Variants in IL27 observed in about 807,000 individuals in gnomAD.
IL27 encodes interleukin-27 subunit alpha.
A neutral mutation model predicts 27.0 loss-of-function variants in IL27; 11 were observed. The observed-to-expected ratio is 0.41, with a 90% CI of 0.26 to 0.67. The LOEUF (loss-of-function observed/expected upper bound fraction) is 0.67, where lower values mean the gene tolerates loss of function less well. Among genes scored for constraint, IL27 ranks in the 30% least tolerant of loss-of-function variants. The pLI, the probability that IL27 is intolerant of heterozygous loss-of-function variation, is 0.34. For missense variants in IL27, 299 were observed against 310.4 expected (o/e 0.96, Z 0.28); for synonymous variants, 134 against 140.6 (o/e 0.95, Z 0.33).
rs1245755964 is a variant in IL27, at chr16:28,504,069, G to T, written c.32-19C>A. On this transcript the variant is annotated intron_variant, in intron 1 of 4. Coordinates refer to ENST00000356897, the MANE Select transcript of IL27 (RefSeq NM_145659.3). The stretch of plus-strand genomic sequence containing the variant: ...CTGAGCCCTGGAGAGATGGGAAGAG[G>T]GTGGCAAGACAGGGAGAGAGCTTGA... The T allele has an allele frequency of 2.0e-5, 31 of 1,573,338 alleles. No individual in the cohort carries two copies. Among genetic ancestry groups the T allele is most frequent in the Non-Finnish European group, 2.7e-5 (31 of 1,158,788 alleles).
intron 1 of IL27, among the ~76,000 whole-genome samples, chr16:28,505,607 T>G (rs973378962): frequency 6.6e-6 from 1 of 152,244 alleles, no homozygotes; most frequent in South Asian, 2.1e-4. Context: ...CATCAGCCAC[T>G]GCGCCCAGCC....
intron 4 of IL27, among the ~76,000 whole-genome samples, chr16:28,501,172 G>A (rs1184173794): frequency 1.3e-5 from 2 of 151,518 alleles, no homozygotes; most frequent in African/African-American, 2.4e-5. Flanking sequence ...CTGGGCGACA[G>A]AGTGAGACTT....
intron 4 of IL27, among the ~76,000 whole-genome samples, chr16:28,500,206 A>C (rs1340439199): frequency 6.6e-6 from 1 of 152,218 alleles, no homozygotes; most frequent in Non-Finnish European, 1.5e-5. Context: ...CTCTGCTGTG[A>C]AAGTTGCTTT....
chr16:28,501,664 C>T (rs1273740574), intron 4 of IL27, among the ~76,000 whole-genome samples: 1 of 151,762 alleles, frequency 6.6e-6, no homozygotes, highest in Non-Finnish European at 1.5e-5. Flanking sequence ...CCCTCACACA[C>T]AGTCATGCTC....
At chr16:28,501,792 C>G (rs2046432921) in intron 4 of IL27, among the ~76,000 whole-genome samples, 184 bp downstream of exon 4, 1 of 151,230 alleles carries the variant, frequency 6.6e-6, no homozygotes, top group African/African-American at 2.4e-5. Context: ...CACAGTCACA[C>G]TCACTCTCCC....
intron 3 of IL27, among the ~76,000 whole-genome samples, chr16:28,503,137 T>C (rs1368506650): frequency 6.6e-6 from 1 of 152,122 alleles, no homozygotes; most frequent in Non-Finnish European, 1.5e-5. Flanking sequence ...TTGTATTTTT[T>C]AGTAGAGATG....
Position 28,503,914 on chromosome 16 carries a change from C to T in IL27, c.168G>A (p.Lys56=). The T allele has an allele frequency of 1.2e-6, 2 of 1,614,228 alleles. No homozygotes were observed. Among genetic ancestry groups the T allele is most frequent in the South Asian group, 2.2e-5 (2 of 91,090 alleles). The change falls in exon 2 of 5, where the codon AAG becomes AAA. Residue 56 remains lysine, a synonymous_variant. Coordinates refer to ENST00000356897, the MANE Select transcript of IL27 (RefSeq NM_145659.3). ...EFTVSLHLAR[K]LLSEVRGQAH... Reference sequence around the variant, plus strand: ...CCTGGCCCCGAACCTCGGAGAGCAGCTTCCTGGCGAGATGCAGGCTGACTG... The same window carrying T: ...CCTGGCCCCGAACCTCGGAGAGCAGTTTCCTGGCGAGATGCAGGCTGACTG...
At chr16:28,503,562 A>G (rs756742302) in intron 3 of IL27, 133 bp downstream of exon 3, 3 of 665,134 alleles carry the variant, frequency 4.5e-6, no homozygotes, top group Non-Finnish European at 7.7e-6. Context: ...TTTCATCTCT[A>G]TGTCCAATGA....
At chr16:28,506,256 T>C (rs1055539164) in intron 1 of IL27, among the ~76,000 whole-genome samples, 8 of 152,148 alleles carry the variant, frequency 5.3e-5, no homozygotes, top group Non-Finnish European at 1.2e-4. Context: ...ACGTGGCATG[T>C]TACCTTCTCC....
At chr16:28,502,190 C>A in intron 3 of IL27, 56 bp from the exon 4 acceptor site, 1 of 1,482,078 alleles carries the variant, frequency 6.7e-7, no homozygotes. Flanking sequence ...GGCCATATCA[C>A]ACCCACCCCC....
intron 4 of IL27, 120 bp downstream of exon 4, chr16:28,501,856 G>A: frequency 8.3e-7 from 1 of 1,206,990 alleles, no homozygotes; most frequent in Non-Finnish European, 1.2e-6. Flanking sequence ...CACACTCATG[G>A]ACACTCAGTC....
intron 4 of IL27, among the ~76,000 whole-genome samples, chr16:28,501,189 A>AG (rs2046426773): frequency 6.6e-6 from 1 of 151,484 alleles, no homozygotes; most frequent in South Asian, 2.1e-4. Context: ...ACTTAGTCTC[A>AG]GAAAAAAAAA....
chr16:28,500,394 C>T (rs1385254603), intron 4 of IL27, among the ~76,000 whole-genome samples: 1 of 152,100 alleles, frequency 6.6e-6, no homozygotes, highest in Non-Finnish European at 1.5e-5. Context: ...CCTACCTCAG[C>T]CTCCTGAGTA....
chr16:28,500,844 T>TCACA (rs1439804136), intron 4 of IL27, among the ~76,000 whole-genome samples: 2 of 151,570 alleles, frequency 1.3e-5, no homozygotes, highest in Non-Finnish European at 2.9e-5. Flanking sequence ...ACGCACACAC[T>TCACA]CACACACATA....
chr16:28,502,270 T>C, intron 3 of IL27, 136 bp from the exon 4 acceptor site: 1 of 735,362 alleles, frequency 1.4e-6, no homozygotes, highest in Non-Finnish European at 2.1e-6. Context: ...TTCCCCCACC[T>C]CAGCCCAGCT....
intron 3 of IL27, 51 bp downstream of exon 3, chr16:28,503,644 G>A: frequency 7.3e-7 from 1 of 1,375,704 alleles, no homozygotes; most frequent in Non-Finnish European, 1.0e-6. Context: ...CTTGCACCCT[G>A]GCCCCAGCCT....
chr16:28,504,485 C>T (rs764890816), intron 1 of IL27, among the ~76,000 whole-genome samples: 5 of 151,842 alleles, frequency 3.3e-5, no homozygotes, highest in Non-Finnish European at 5.9e-5. Context: ...AAAAACAAAA[C>T]AAAACAAAAC....
rs749324032 is a variant in IL27, at chr16:28,499,808, G to A, written c.575C>T (p.Pro192Leu). Residue 192 changes from proline to leucine, a missense_variant, in exon 5 of 5, where the codon CCG (proline) becomes CTG (leucine). Physicochemically the swap from Pro to Leu is moderately conservative, Grantham distance 98. Coordinates refer to ENST00000356897, the MANE Select transcript of IL27 (RefSeq NM_145659.3). ...PGALGSALQGPAQVSWPQLLS... is the reference protein window; with the variant it reads ...PGALGSALQGLAQVSWPQLLS... ...GAGCTGGGGCCAGGACACCTGGGCC[G>A]GGCCCTGTAAGGCGCTGCCCAGTGC... The A allele has an allele frequency of 8.7e-6, 14 of 1,602,052 alleles. No homozygotes were observed. In the East Asian group the frequency reaches 2.5e-4, roughly 28 times the overall value.
rs2046420273 is a variant in IL27, at chr16:28,499,836, C to T, written c.547G>A (p.Gly183Arg). The T allele has an allele frequency of 1.9e-6, 3 of 1,573,482 alleles. No homozygotes were observed. Among genetic ancestry groups the T allele is most frequent in the Non-Finnish European group, 2.6e-6 (3 of 1,159,766 alleles). ...CCCTGTAAGGCGCTGCCCAGTGCCC[C>T]TGGGAGCAGCCCCTTCCTCTCCTCC... Reference protein sequence around the residue: ...EEEERKGLLPGALGSALQGPA... With the variant: ...EEEERKGLLPRALGSALQGPA... Residue 183 changes from glycine (G) to arginine (R), a missense_variant, in exon 5 of 5, where the codon GGG (glycine) becomes AGG (arginine). By Grantham distance (125) the Gly-to-Arg change is moderately radical. Coordinates refer to ENST00000356897, the MANE Select transcript of IL27 (RefSeq NM_145659.3).
Sources: gnomAD v4.1 joint callset for allele counts (sites outside exome capture counted in the v4.1 genomes callset) on GRCh38, gnomAD v4.1.1 for gene constraint, MANE v1.5 for transcripts, NCBI Gene and HGNC (gene_info 2026-07-23, HGNC 2026-07-21) for gene names.